Variants in TJP3 observed in about 807,000 individuals in gnomAD.
The protein encoded by TJP3 is tight junction protein 3.
In TJP3, 85 loss-of-function variants were observed where a neutral mutation model predicts 104.2. The observed-to-expected ratio is 0.82, with a 90% CI of 0.68 to 0.98. TJP3 has a LOEUF of 0.98. Ranked by LOEUF, TJP3 falls within the 50% of genes least tolerant of loss-of-function variation. The pLI, the probability that TJP3 is intolerant of heterozygous loss-of-function variation, is 0.00. For synonymous variants in TJP3, 550 were observed against 550.6 expected (o/e 1.00, Z 0.02); for missense variants, 1,367 against 1,322.8 (o/e 1.03, Z -0.52).
intron 15 of TJP3, 36 bp downstream of exon 15, chr19:3,744,070 A>T: frequency 6.3e-7 from 1 of 1,594,812 alleles, no homozygotes. Context: ...CTCGTTGGTG[A>T]AATAGTTTCA....
chr19:3,725,814 C>T (rs950682423), intron 1 of TJP3, among the ~76,000 whole-genome samples: 1 of 152,212 alleles, frequency 6.6e-6, no homozygotes, highest in Non-Finnish European at 1.5e-5. Context: ...AAACCACATC[C>T]CTGCAAGACA....
intron 1 of TJP3, among the ~76,000 whole-genome samples, chr19:3,716,799 A>ATTTTT (rs1474982158): frequency 6.8e-5 from 5 of 73,078 alleles, no homozygotes; most frequent in African/African-American, 2.4e-4. Context: ...ATATATATAT[A>ATTTTT]TATTTTTTTT....
At chr19:3,709,203 C>T (rs2036411491) in intron 1 of TJP3, among the ~76,000 whole-genome samples, 4 of 152,060 alleles carry the variant, frequency 2.6e-5, no homozygotes, top group African/African-American at 9.7e-5. Flanking sequence ...GCAACCTCTG[C>T]CTCCACCTCT....
At chr19:3,742,518 T>A (rs1319990653) in intron 14 of TJP3, among the ~76,000 whole-genome samples, 1 of 150,096 alleles carries the variant, frequency 6.7e-6, no homozygotes, top group Non-Finnish European at 1.5e-5. Context: ...GTGCAGCGAT[T>A]TTCCAAATAA....
intron 12 of TJP3, 78 bp from the exon 13 acceptor site, chr19:3,738,819 C>A: frequency 7.0e-7 from 1 of 1,425,732 alleles, no homozygotes; most frequent in Non-Finnish European, 9.7e-7. Context: ...AAATCTCCAG[C>A]CAGGCCCACT....
Position 3,734,436 on chromosome 19 carries a change from G to T in TJP3, c.986+1G>T, listed in dbSNP as rs201579834. ...AGGCCAGCCAGACCGACTCTCCCGT[G>T]TAAGTATCACCCATCGGCCAGAATG... On this transcript the variant is annotated splice_donor_variant, in intron 8 of 20. Coordinates refer to ENST00000541714, the MANE Select transcript of TJP3 (RefSeq NM_001267560.2). LOFTEE classifies it high-confidence loss of function. 3 of 1,604,082 alleles carry T rather than the reference G, an allele frequency of 1.9e-6. No homozygotes were observed. Among genetic ancestry groups the T allele is most frequent in the Admixed American group, 1.7e-5 (1 of 58,814 alleles).
Position 3,730,646 on chromosome 19 carries a change from C to A in TJP3, c.553C>A (p.Arg185=), listed in dbSNP as rs570876800. ...GGTGTCCGGCTTTAAGCGGCTGCCACGGCAGGACGTGCAGATGAAGCCTGT... is the reference window on the plus strand; with the variant it reads ...GGTGTCCGGCTTTAAGCGGCTGCCAAGGCAGGACGTGCAGATGAAGCCTGT... ...ALVSGFKRLP[R]QDVQMKPVKS... is the part of the protein sequence containing the mutation. The change falls in exon 5 of 21, where the codon CGG becomes AGG. Residue 185 remains arginine, a synonymous_variant. Coordinates refer to ENST00000541714, the MANE Select transcript of TJP3 (RefSeq NM_001267560.2). This position sits in a 1 kb window ranked among gnomAD's most constrained non-coding sequence, Gnocchi z 7.3. The A allele has an allele frequency of 6.2e-7, 1 of 1,611,646 alleles. No individual in the cohort carries two copies. Among genetic ancestry groups the A allele is most frequent in the Non-Finnish European group, 8.5e-7 (1 of 1,179,986 alleles).
intron 1 of TJP3, among the ~76,000 whole-genome samples, chr19:3,720,447 G>C (rs2036530976): frequency 6.6e-6 from 1 of 152,156 alleles, no homozygotes; most frequent in African/African-American, 2.4e-5. Context: ...CCTCCAGGCA[G>C]CCTTTCTTTT....
intron 1 of TJP3, chr19:3,721,484 T>C (rs931627745): frequency 2.5e-5 from 4 of 157,638 alleles, no homozygotes; most frequent in Non-Finnish European, 4.2e-5. Flanking sequence ...GGAAACACCT[T>C]CCAAATAGTA....
chr19:3,713,619 G>A (rs768854428), intron 1 of TJP3, among the ~76,000 whole-genome samples: 102 of 152,206 alleles, frequency 6.7e-4, no homozygotes, highest in Non-Finnish European at 1.2e-3. Context: ...ATATGTACCC[G>A]TGTAATAATG....
intron 1 of TJP3, chr19:3,721,769 C>T (rs935827006): frequency 2.2e-6 from 1 of 451,040 alleles, no homozygotes; most frequent in Non-Finnish European, 3.6e-6. Flanking sequence ...GGGAGGAGGA[C>T]GAGAGCCCGG....
chr19:3,718,166 T>C (rs1292655690), intron 1 of TJP3, among the ~76,000 whole-genome samples: 2 of 116,834 alleles, frequency 1.7e-5, no homozygotes, highest in East Asian at 5.2e-4. Flanking sequence ...AGATTGCGCC[T>C]GGGCAACAGG....
At chr19:3,729,621 C>A (rs3786988) in intron 3 of TJP3, among the ~76,000 whole-genome samples, 102,989 of 151,612 alleles carry the variant, frequency 0.68, 35,272 homozygotes, top group Admixed American at 0.76. Context: ...TCTCTACTAA[C>A]AAATACAAAA....
At chr19:3,720,578 C>T (rs2036531831) in intron 1 of TJP3, among the ~76,000 whole-genome samples, 1 of 151,938 alleles carries the variant, frequency 6.6e-6, no homozygotes, top group Non-Finnish European at 1.5e-5. Context: ...CCCTTTTACC[C>T]TTTTAACCTT....
rs750436667 is a variant in TJP3 at position 3,729,977 on chromosome 19, G to T, written c.159-51G>T. 6 of 1,520,408 alleles carry T rather than the reference G, an allele frequency of 3.9e-6. No individual in the cohort carries two copies. The Admixed American group carries it at 5.0e-5, about 13-fold the overall frequency. 94.2% of individuals were successfully genotyped at this position (1,520,408 alleles called of 1,614,324 possible). The stretch of plus-strand genomic sequence containing the variant: ...CCCCTCCCCAGGGAGGGCTTGTTAC[G>T]AGGGTCTCCCCTGCAAAGCCTCCTC... On this transcript the variant is annotated intron_variant, in intron 3 of 20. Coordinates refer to ENST00000541714, the MANE Select transcript of TJP3 (RefSeq NM_001267560.2).
chr19:3,748,593 A>T (rs1599166558), intron 19 of TJP3, among the ~76,000 whole-genome samples: 1 of 56,662 alleles, frequency 1.8e-5, no homozygotes. Flanking sequence ...TTTGAGATGG[A>T]GTTTCGCTTT....
intron 1 of TJP3, among the ~76,000 whole-genome samples, chr19:3,713,883 T>A (rs2036454287): frequency 8.5e-6 from 1 of 117,686 alleles, no homozygotes. Flanking sequence ...GCCCAGCTAA[T>A]TTTTTTTTTT....
chr19:3,726,305 A>G (rs2036595268), intron 1 of TJP3, among the ~76,000 whole-genome samples: 1 of 152,250 alleles, frequency 6.6e-6, no homozygotes, highest in African/African-American at 2.4e-5. Flanking sequence ...GGACATGAAA[A>G]TAACAGAATC....
Position 3,750,287 on chromosome 19 carries a change from A to G in TJP3, c.2657+103A>G, listed in dbSNP as rs1051992577. On this transcript the variant is annotated intron_variant, in intron 20 of 20. Transcript: ENST00000541714. ...CAAGCTATGCCTTCATGGTGCCCCT[A>G]GCCTAGTGGGGAAGACAGAGCCTGC... 3 of 1,497,988 alleles carry G rather than the reference A, an allele frequency of 2.0e-6. No individual in the cohort carries two copies. The South Asian group carries it at 3.4e-5, about 17-fold the overall frequency. 92.8% of individuals were successfully genotyped at this position (1,497,988 alleles called of 1,614,324 possible).
Sources: gnomAD v4.1 joint callset for allele counts (sites outside exome capture counted in the v4.1 genomes callset) on GRCh38, gnomAD v4.1.1 for gene constraint, Gnocchi (gnomAD v3.1) non-coding constraint, MANE v1.5 for transcripts, NCBI Gene and HGNC (gene_info 2026-07-23, HGNC 2026-07-21) for gene names.